Variants in FLVCR2 observed in about 807,000 individuals in gnomAD.
FLVCR2 encodes the protein choline/ethanolamine transporter FLVCR2.
A neutral mutation model predicts 48.9 loss-of-function variants in FLVCR2; 38 were observed. The observed-to-expected ratio is 0.78, with a 90% CI of 0.60 to 1.02. FLVCR2 has a LOEUF of 1.02. Ranked by LOEUF, FLVCR2 falls within the 50% of genes least tolerant of loss-of-function variation. The pLI is 0.00. For synonymous variants in FLVCR2, 255 were observed against 257.0 expected, an observed-to-expected ratio of 0.99 and a Z score of 0.07; for missense variants, 664 against 663.3, an observed-to-expected ratio of 1.00 and a Z score of -0.01.
chr14:75,609,292 G>T (rs1480273166), intron 1 of FLVCR2, among the ~76,000 whole-genome samples: 2 of 152,118 alleles, frequency 1.3e-5, no homozygotes, highest in Admixed American at 1.3e-4. Flanking sequence ...AGCGGCTAAT[G>T]GTGCAAATGT....
chr14:75,599,592 T>C (rs1478804127), intron 1 of FLVCR2, among the ~76,000 whole-genome samples: 1 of 152,116 alleles, frequency 6.6e-6, no homozygotes, highest in Non-Finnish European at 1.5e-5. Flanking sequence ...TTCATAGAAA[T>C]AGAAAAATCC....
In FLVCR2 at chr14:75,578,854, C is replaced by T. The variant is rs1888518684; in HGVS notation, c.-119C>T. 2.2e-6 allele frequency: 2 copies of T among 920,446 alleles called. No individual in the cohort carries two copies. Among genetic ancestry groups the T allele is most frequent in the African/African-American group, 3.3e-5 (2 of 59,874 alleles). 57.0% of individuals were successfully genotyped at this position (920,446 alleles called of 1,614,324 possible). The stretch of plus-strand genomic sequence containing the variant: ...GAGGCTTTTACGCAGCCTCTAGTCT[C>T]TGTTTCTTCTGGAATAGGCAAGTGT... On this transcript the variant is annotated 5_prime_UTR_variant, in exon 1 of 10. Transcript: ENST00000238667.
Position 75,579,208 on chromosome 14 carries a change from A to G in FLVCR2, c.236A>G (p.Lys79Arg). Residue 79 changes from lysine to arginine, a missense_variant, in exon 1 of 10, where the codon AAG becomes AGG. Physicochemically the swap from Lys to Arg is conservative, Grantham distance 26. Transcript: ENST00000238667. ...SSGPEDLSVI[K>R]VSRRRWAVVL... ...GGCCCTGAGGACCTCAGCGTGATCAAGGTGAGCAGGCGCCGTTGGGCCGTG... is the reference window on the plus strand; with the variant it reads ...GGCCCTGAGGACCTCAGCGTGATCAGGGTGAGCAGGCGCCGTTGGGCCGTG... The G allele has an allele frequency of 6.2e-7, 1 of 1,614,188 alleles. No individual in the cohort carries two copies.
At chr14:75,598,873 C>A (rs1594795805) in intron 1 of FLVCR2, among the ~76,000 whole-genome samples, 1 of 152,250 alleles carries the variant, frequency 6.6e-6, no homozygotes, top group East Asian at 1.9e-4. Flanking sequence ...CAGACCTCCG[C>A]TCCCCACCTT....
intron 4 of FLVCR2, among the ~76,000 whole-genome samples, chr14:75,634,084 G>A (rs1391845389): frequency 6.6e-6 from 1 of 152,042 alleles, no homozygotes; most frequent in Non-Finnish European, 1.5e-5. Context: ...AACACTGTTG[G>A]CAAATATATA....
chr14:75,614,790 T>C (rs1889564575), intron 1 of FLVCR2, among the ~76,000 whole-genome samples: 2 of 152,112 alleles, frequency 1.3e-5, no homozygotes, highest in South Asian at 2.1e-4. Flanking sequence ...CTTACAATCA[T>C]GGTGGAAGGG....
chr14:75,600,736 A>T, intron 1 of FLVCR2, among the ~76,000 whole-genome samples: 1 of 152,226 alleles, frequency 6.6e-6, no homozygotes, highest in South Asian at 2.1e-4. Flanking sequence ...AACTACATCA[A>T]TGTAAAACTT....
intron 1 of FLVCR2, among the ~76,000 whole-genome samples, chr14:75,596,780 G>GCCCCCCCCCCCCCCC (rs35205012): frequency 5.1e-5 from 4 of 78,096 alleles, no homozygotes; most frequent in Admixed American, 4.1e-4. Context: ...CTCCTCTTTT[G>GCCCCCCCCCCCCCCC]CCCCCCCCCC....
Position 75,597,291 on chromosome 14 carries a change from A to G in FLVCR2, c.669+17650A>G, listed in dbSNP as rs569428967. Among the ~76,000 whole-genome samples the G allele has an allele frequency of 2.1e-4, 31 of 146,620 alleles. No homozygotes were observed. The South Asian group carries it at 5.0e-3, about 24-fold the overall frequency. ...GCAAGACCCATCTCAAAAAAAAAAA[A>G]AAGAAGAAGAAGAAGAAGAAGCCAG... On this transcript the variant is annotated intron_variant, in intron 1 of 9. Transcript: ENST00000238667.
intron 1 of FLVCR2, among the ~76,000 whole-genome samples, chr14:75,606,814 C>T (rs955630596): frequency 1.3e-5 from 2 of 151,992 alleles, no homozygotes; most frequent in Non-Finnish European, 2.9e-5. Context: ...CATGGTGGTG[C>T]CTGCCTGTAG....
chr14:75,590,038 G>A (rs886842899), intron 1 of FLVCR2, among the ~76,000 whole-genome samples: 2 of 152,200 alleles, frequency 1.3e-5, no homozygotes, highest in Non-Finnish European at 2.9e-5. Context: ...TCATGGTTCT[G>A]CAAAATGAAA....
At chr14:75,590,146 A>G (rs1024911305) in intron 1 of FLVCR2, among the ~76,000 whole-genome samples, 5 of 152,250 alleles carry the variant, frequency 3.3e-5, no homozygotes, top group African/African-American at 1.2e-4. Context: ...GTGAAGAGGC[A>G]TAACCTAGGG....
chr14:75,590,104 T>G (rs538469146), intron 1 of FLVCR2, among the ~76,000 whole-genome samples: 4 of 152,324 alleles, frequency 2.6e-5, no homozygotes, highest in Non-Finnish European at 5.9e-5. Flanking sequence ...TGTCCTAACA[T>G]GCAGAGAAGG....
Position 75,628,271 on chromosome 14 carries a change from C to T in FLVCR2, c.952+3519C>T, listed in dbSNP as rs1357158905. The stretch of plus-strand genomic sequence containing the variant: ...CTGGGATTACAGGTACCCGCCACCA[C>T]ATCCAGGGAATTTTTGTGTTTTTAG... On this transcript the variant is annotated intron_variant, in intron 3 of 9. Coordinates refer to ENST00000238667, the MANE Select transcript of FLVCR2 (RefSeq NM_017791.3). Among the ~76,000 whole-genome samples, 3 of 152,310 alleles carry T rather than the reference C, an allele frequency of 2.0e-5. No individual in the cohort carries two copies. In the East Asian group the frequency reaches 5.8e-4, roughly 29 times the overall value.
intron 1 of FLVCR2, among the ~76,000 whole-genome samples, chr14:75,619,486 C>T (rs896912357): frequency 2.4e-5 from 3 of 122,914 alleles, no homozygotes; most frequent in African/African-American, 9.9e-5. Flanking sequence ...CTCATCCATC[C>T]ATCCATCCAT....
At chr14:75,585,059 A>G (rs1052190295) in intron 1 of FLVCR2, among the ~76,000 whole-genome samples, 36 of 152,026 alleles carry the variant, frequency 2.4e-4, no homozygotes, top group African/African-American at 8.2e-4. Context: ...GAGGCTGAGG[A>G]GAAATTGGGG....
At position 75,589,096 on chromosome 14, in the gene FLVCR2, G is replaced by A. The variant is rs1322204565; in HGVS notation, c.669+9455G>A. Among the ~76,000 whole-genome samples the A allele has an allele frequency of 3.9e-5, 6 of 152,052 alleles. No individual in the cohort carries two copies. In the South Asian group the frequency reaches 8.3e-4, roughly 21 times the overall value. On this transcript the variant is annotated intron_variant, in intron 1 of 9. Coordinates refer to ENST00000238667, the MANE Select transcript of FLVCR2 (RefSeq NM_017791.3). ...CTGTGCATGGTTGCACATGCCTGTA[G>A]TCCCAGCTACTTGGGAGGCTGAGGT... is the stretch of plus-strand genomic sequence containing the variant.
intron 2 of FLVCR2, among the ~76,000 whole-genome samples, chr14:75,623,801 A>C (rs1221015844): frequency 6.6e-6 from 1 of 152,208 alleles, no homozygotes; most frequent in African/African-American, 2.4e-5. Context: ...CTGTAATCCC[A>C]GCACTTTGGG....
At chr14:75,621,037 G>T (rs1435587332) in intron 1 of FLVCR2, among the ~76,000 whole-genome samples, 2 of 152,164 alleles carry the variant, frequency 1.3e-5, no homozygotes, top group African/African-American at 4.8e-5. Context: ...TGCAGCAGAA[G>T]GGCTTTTGGG....
Sources: allele counts gnomAD v4.1 joint callset (sites outside exome capture counted in the v4.1 genomes callset), GRCh38; gene constraint gnomAD v4.1.1; transcripts MANE v1.5; gene names NCBI Gene and HGNC (gene_info 2026-07-23, HGNC 2026-07-21).